Variants in NAALADL2 observed in about 807,000 individuals in gnomAD.
NAALADL2 encodes inactive N-acetylated-alpha-linked acidic dipeptidase-like protein 2.
In NAALADL2, 76 loss-of-function variants were observed where a neutral mutation model predicts 87.2. The ratio of observed to expected loss-of-function variants is 0.87; its 90% CI spans 0.72 to 1.05. The LOEUF (loss-of-function observed/expected upper bound fraction) is 1.05. NAALADL2 is among the 50% of genes least tolerant of loss of function. The pLI is 0.00. For synonymous variants in NAALADL2, 354 were observed against 331.0 expected (o/e 1.07, Z -0.75); for missense variants, 1,089 against 945.8 (o/e 1.15, Z -1.99).
intron 3 of NAALADL2, among the ~76,000 whole-genome samples, chr3:174,779,587 CTAGGCTTTTACGGCTT>C (rs1251674416): frequency 1.3e-5 from 2 of 152,068 alleles, no homozygotes; most frequent in African/African-American, 4.8e-5. Context: ...ATGTTTTATT[CTAGGCTTTTACGGCTT>C]TAGGTCTTAC....
chr3:175,277,853 T>C (rs1388168652), intron 4 of NAALADL2, among the ~76,000 whole-genome samples: 2 of 152,212 alleles, frequency 1.3e-5, no homozygotes, highest in Admixed American at 1.3e-4. Flanking sequence ...CTTTTACTAC[T>C]CAAATTCTGT....
chr3:174,685,974 C>A (rs528772656), intron 2 of NAALADL2, among the ~76,000 whole-genome samples: 5 of 152,028 alleles, frequency 3.3e-5, no homozygotes, highest in African/African-American at 1.2e-4. Flanking sequence ...AGCTTCCATC[C>A]ATTTTCCTGT....
chr3:175,474,234 G>C (rs533282105), intron 9 of NAALADL2, among the ~76,000 whole-genome samples: 13 of 152,160 alleles, frequency 8.5e-5, no homozygotes, highest in Non-Finnish European at 1.8e-4. Flanking sequence ...GCAATATGTA[G>C]ATTACAAAAG....
intron 2 of NAALADL2, among the ~76,000 whole-genome samples, chr3:174,597,831 A>C (rs528061862): frequency 6.6e-6 from 1 of 152,288 alleles, no homozygotes; most frequent in South Asian, 2.1e-4. Context: ...TTCCTACTGA[A>C]TGCTGTAGTT....
At chr3:175,118,085 A>G (rs1387024181) in intron 2 of NAALADL2, among the ~76,000 whole-genome samples, 3 of 149,458 alleles carry the variant, frequency 2.0e-5, no homozygotes, top group Non-Finnish European at 4.4e-5. Flanking sequence ...TGGAAACAGG[A>G]TGGGGAACAT....
intron 1 of NAALADL2, among the ~76,000 whole-genome samples, chr3:174,962,814 T>C (rs1742311389): frequency 6.6e-6 from 1 of 152,148 alleles, no homozygotes; most frequent in African/African-American, 2.4e-5. Flanking sequence ...TGTCCCTCTG[T>C]ATCTGTGGGA....
At chr3:174,989,252 C>A (rs550832747) in intron 1 of NAALADL2, among the ~76,000 whole-genome samples, 6 of 152,268 alleles carry the variant, frequency 3.9e-5, no homozygotes, top group African/African-American at 1.4e-4. Context: ...ATTTGGGACA[C>A]AAACATCCAA....
chr3:175,749,715 T>C (rs1746390103), intron 12 of NAALADL2, among the ~76,000 whole-genome samples: 1 of 152,200 alleles, frequency 6.6e-6, no homozygotes, highest in African/African-American at 2.4e-5. Context: ...GACAAACTTA[T>C]CCATAGCATA....
intron 13 of NAALADL2, among the ~76,000 whole-genome samples, chr3:175,787,974 A>C (rs1752294429): frequency 6.6e-6 from 1 of 152,068 alleles, no homozygotes; most frequent in African/African-American, 2.4e-5. Context: ...CTATAATAGT[A>C]ATGTCCTAGG....
At chr3:175,191,125 C>T (rs1580855896) in intron 2 of NAALADL2, among the ~76,000 whole-genome samples, 1 of 152,052 alleles carries the variant, frequency 6.6e-6, no homozygotes, top group Non-Finnish European at 1.5e-5. Context: ...TTTAGGGGCT[C>T]TTGCCACAAA....
At chr3:174,583,053 A>G (rs541141392) in intron 2 of NAALADL2, among the ~76,000 whole-genome samples, 2 of 152,360 alleles carry the variant, frequency 1.3e-5, no homozygotes, top group African/African-American at 4.8e-5. Context: ...AAGGAAAGCC[A>G]TATTTGCCTT....
intron 1 of NAALADL2, among the ~76,000 whole-genome samples, chr3:175,044,930 A>AT (rs5854607): frequency 0.013 from 1,833 of 143,822 alleles, 20 homozygotes; most frequent in African/African-American, 0.043. Context: ...GCAATTTCTG[A>AT]TTTTTTTTTT....
intron 10 of NAALADL2, among the ~76,000 whole-genome samples, chr3:175,619,965 G>A (rs2149696746): frequency 6.6e-6 from 1 of 151,840 alleles, no homozygotes; most frequent in African/African-American, 2.4e-5. Flanking sequence ...GGGTGATGGA[G>A]AATTGACAAA....
At chr3:175,161,220 C>A (rs1733153565) in intron 2 of NAALADL2, among the ~76,000 whole-genome samples, 1 of 151,752 alleles carries the variant, frequency 6.6e-6, no homozygotes. Context: ...TGTCTGCAAG[C>A]AACAGAAGCC....
At chr3:175,566,188 A>G (rs1417339708) in intron 9 of NAALADL2, among the ~76,000 whole-genome samples, 1 of 152,098 alleles carries the variant, frequency 6.6e-6, no homozygotes, top group Non-Finnish European at 1.5e-5. Context: ...GGAGTCTTAG[A>G]ATTGGGGACA....
intron 3 of NAALADL2, among the ~76,000 whole-genome samples, chr3:174,787,301 A>G (rs1716788918): frequency 6.6e-6 from 1 of 151,654 alleles, no homozygotes; most frequent in African/African-American, 2.4e-5. Context: ...CCAAGACTGC[A>G]TAAATGCATC....
At chr3:174,624,646 T>A (rs1326375428) in intron 2 of NAALADL2, among the ~76,000 whole-genome samples, 1 of 151,028 alleles carries the variant, frequency 6.6e-6, no homozygotes, top group Non-Finnish European at 1.5e-5. Flanking sequence ...AAAGTTGGCA[T>A]CATGTGGAGA....
At chr3:175,698,650 A>G (rs1432942447) in intron 11 of NAALADL2, among the ~76,000 whole-genome samples, 2 of 151,314 alleles carry the variant, frequency 1.3e-5, no homozygotes, top group African/African-American at 2.4e-5. Flanking sequence ...AAGAATAGAC[A>G]AATTTAATAA....
chr3:175,423,078 C>A (rs1716071642), intron 5 of NAALADL2, among the ~76,000 whole-genome samples: 7 of 125,292 alleles, frequency 5.6e-5, no homozygotes, highest in Admixed American at 1.7e-4. Context: ...AGTTGTAGAA[C>A]TGGAAAGAGG....
Sources: gnomAD v4.1 joint callset for allele counts (sites outside exome capture counted in the v4.1 genomes callset) on GRCh38, gnomAD v4.1.1 for gene constraint, MANE v1.5 for transcripts, NCBI Gene and HGNC (gene_info 2026-07-23, HGNC 2026-07-21) for gene names.